The following GLRA2 variants were observed in gnomAD, a reference collection of about 807,000 sequenced individuals.
GLRA2 encodes the protein glycine receptor alpha 2, also known as glycine receptor subunit alpha-2.
Under a neutral mutation model 31.6 loss-of-function variants are expected in GLRA2, and 11 were observed. The observed-to-expected ratio is 0.35, with a 90% CI of 0.22 to 0.58. The LOEUF (loss-of-function observed/expected upper bound fraction) is 0.58, where lower values mean the gene tolerates loss of function less well. Among genes scored for constraint, GLRA2 ranks in the 20% least tolerant of loss-of-function variants. GLRA2 has a pLI of 0.84. For synonymous variants in GLRA2, 132 were observed against 134.0 expected (o/e 0.99, Z 0.10); for missense variants, 212 against 351.8 (o/e 0.60, Z 3.18).
At position 14,690,736 on chromosome X, in the gene GLRA2, C is replaced by A. The variant is rs1421532458; in HGVS notation, c.957C>A (p.Ile319=). Residue 319 remains isoleucine (I), a synonymous_variant, in exon 8 of 9, where the codon ATC becomes ATA. Coordinates refer to ENST00000218075, the MANE Select transcript of GLRA2 (RefSeq NM_002063.4). ...PKVSYVKAID[I]WMAVCLLFVF... ...TCTCCTATGTAAAAGCGATTGACATCTGGATGGCGGTGTGCCTTCTGTTTG... is the reference window on the plus strand; with the variant it reads ...TCTCCTATGTAAAAGCGATTGACATATGGATGGCGGTGTGCCTTCTGTTTG... 8.3e-7 allele frequency: 1 copy of A among 1,203,261 alleles called. No individual in the cohort carries two copies. The highest frequency in any genetic ancestry group is 1.1e-6 in the Non-Finnish European group (1 of 888,650).
the GLRA2 span, among the ~76,000 whole-genome samples, chrX:14,495,996 CAG>C: frequency 9.0e-6 from 1 of 111,410 alleles, no homozygotes; most frequent in Admixed American, 9.6e-5. Flanking sequence ...TGTTCTAAGA[CAG>C]AAGCTTGTGA....
Position 14,730,708 on chromosome X carries a change from A to G in GLRA2, c.*223A>G. 2.5e-6 allele frequency: 1 copy of G among 393,667 alleles called. No homozygotes were observed. Among genetic ancestry groups the G allele is most frequent in the Non-Finnish European group, 4.4e-6 (1 of 225,427 alleles). 32.4% of individuals were successfully genotyped at this position (393,667 alleles called of 1,213,427 possible). ...GGGGTTGCAGAATCACGGGAGCATA[A>G]TAATTCCCTTCCATAATCTTTAGCA... On this transcript the variant is annotated 3_prime_UTR_variant, in exon 9 of 9. Transcript: ENST00000218075.
chrX:14,720,949 T>A (rs747551382), intron 8 of GLRA2, among the ~76,000 whole-genome samples: 1 of 109,256 alleles, frequency 9.2e-6, no homozygotes, highest in African/African-American at 3.3e-5. Context: ...CTGGACAATA[T>A]AGTGAGACCC....
At chrX:14,664,171 A>T (rs1320355877) in intron 7 of GLRA2, among the ~76,000 whole-genome samples, 1 of 111,656 alleles carries the variant, frequency 9.0e-6, no homozygotes, top group Non-Finnish European at 1.9e-5. Context: ...AGGTCATATA[A>T]ATTGTGGTAT....
intron 2 of GLRA2, among the ~76,000 whole-genome samples, chrX:14,538,288 G>A (rs1449594142): frequency 9.0e-6 from 1 of 111,036 alleles, no homozygotes; most frequent in African/African-American, 3.3e-5. Flanking sequence ...CCTCACTTGG[G>A]TTGTACTGAG....
At chrX:14,637,516 C>T (rs1216882782) in intron 7 of GLRA2, among the ~76,000 whole-genome samples, 1 of 111,991 alleles carries the variant, frequency 8.9e-6, no homozygotes, top group African/African-American at 3.2e-5. Flanking sequence ...AATCTTCTAT[C>T]CACACTTATG....
intron 2 of GLRA2, among the ~76,000 whole-genome samples, chrX:14,571,842 C>T (rs995409625): frequency 1.8e-5 from 2 of 110,891 alleles, no homozygotes; most frequent in Admixed American, 1.9e-4. Context: ...TGTAAAATAC[C>T]ATGGTTAGCA....
chrX:14,507,935 C>T, the GLRA2 span, among the ~76,000 whole-genome samples: 3 of 109,857 alleles, frequency 2.7e-5, no homozygotes, highest in Non-Finnish European at 5.7e-5. Flanking sequence ...CTCAAGTGAT[C>T]CACCCGCCTT....
the GLRA2 span, among the ~76,000 whole-genome samples, chrX:14,483,760 G>C: frequency 8.9e-6 from 1 of 112,233 alleles, no homozygotes; most frequent in Admixed American, 9.4e-5. Flanking sequence ...AGGATGCAAA[G>C]TATTGCTCCT....
the GLRA2 span, among the ~76,000 whole-genome samples, chrX:14,511,049 G>C: frequency 9.0e-6 from 1 of 110,938 alleles, no homozygotes; most frequent in Non-Finnish European, 1.9e-5. Flanking sequence ...TCTAGCATTA[G>C]GTATATCTCC....
the GLRA2 span, among the ~76,000 whole-genome samples, chrX:14,492,453 T>A: frequency 8.9e-6 from 1 of 111,809 alleles, no homozygotes; most frequent in Non-Finnish European, 1.9e-5. Context: ...CAATTAAAAA[T>A]TTTAGATATA....
chrX:14,511,997 C>T, the GLRA2 span, among the ~76,000 whole-genome samples: 5 of 111,389 alleles, frequency 4.5e-5, no homozygotes, highest in Admixed American at 9.5e-5. Context: ...GTGCCATAGC[C>T]GCACAGGCCT....
intron 4 of GLRA2, among the ~76,000 whole-genome samples, chrX:14,586,680 T>C (rs1253774579): frequency 1.8e-5 from 2 of 112,117 alleles, no homozygotes; most frequent in Middle Eastern, 4.6e-3. Context: ...GTACATATTA[T>C]TGTTTAAACA....
chrX:14,649,348 A>G (rs985561822), intron 7 of GLRA2, among the ~76,000 whole-genome samples: 2 of 111,920 alleles, frequency 1.8e-5, no homozygotes, highest in African/African-American at 6.5e-5. Flanking sequence ...AATTTTTACA[A>G]TATTCCCAAA....
intron 6 of GLRA2, 71 bp from the exon 7 acceptor site, chrX:14,608,918 TAA>T: frequency 2.2e-6 from 1 of 464,224 alleles, no homozygotes; most frequent in Non-Finnish European, 3.6e-6. Context: ...TTTTTTTTTT[TAA>T]ACAACGTGGG....
the GLRA2 span, among the ~76,000 whole-genome samples, chrX:14,477,281 A>T: frequency 8.9e-6 from 1 of 112,073 alleles, no homozygotes; most frequent in Non-Finnish European, 1.9e-5. Flanking sequence ...AAAAAAGTTT[A>T]TTTAACCTTT....
rs991586378 is a variant in GLRA2, at chrX:14,574,640, C to T, written c.270+240C>T. Reference sequence around the variant, plus strand: ...AGTGCACTGTGGCATATTTGTGAGACATTTACTGAGTGCCAATTTCCAACT... The same window carrying T: ...AGTGCACTGTGGCATATTTGTGAGATATTTACTGAGTGCCAATTTCCAACT... On this transcript the variant is annotated intron_variant, in intron 3 of 8. Transcript: ENST00000218075. The T allele has an allele frequency of 3.4e-5, 25 of 733,985 alleles. No individual in the cohort carries two copies. In the African/African-American group the frequency reaches 4.4e-4, roughly 13 times the overall value. 60.5% of individuals were successfully genotyped at this position (733,985 alleles called of 1,213,427 possible).
chrX:14,579,097 G>A (rs1466664552), intron 3 of GLRA2, among the ~76,000 whole-genome samples: 1 of 112,175 alleles, frequency 8.9e-6, no homozygotes, highest in African/African-American at 3.2e-5. Flanking sequence ...AGAATGAAGA[G>A]TTGTTTTATC....
intron 3 of GLRA2, among the ~76,000 whole-genome samples, chrX:14,580,297 G>A (rs1362994298): frequency 8.9e-6 from 1 of 112,685 alleles, no homozygotes; most frequent in Admixed American, 9.4e-5. Flanking sequence ...GTGGTCACAC[G>A]TAGCAATAGT....
Sources: allele counts gnomAD v4.1 joint callset (sites outside exome capture counted in the v4.1 genomes callset), GRCh38; gene constraint gnomAD v4.1.1; transcripts MANE v1.5; gene names NCBI Gene and HGNC (gene_info 2026-07-23, HGNC 2026-07-21).